The following EPSTI1 variants were observed in gnomAD, a reference collection of about 807,000 sequenced individuals.
EPSTI1 encodes epithelial-stromal interaction protein 1.
In EPSTI1, 66 loss-of-function variants were observed where a neutral mutation model predicts 49.9. The observed-to-expected ratio is 1.32, with a 90% confidence interval of 1.08 to 1.62. The LOEUF (loss-of-function observed/expected upper bound fraction) is 1.62. Ranked by LOEUF, EPSTI1 falls within the 40% of genes most tolerant of loss-of-function variation. The probability of loss-of-function intolerance (pLI) is 0.00; values close to 1 mark genes in which losing one functional copy is unlikely to be tolerated. For missense variants in EPSTI1, 394 were observed against 365.5 expected (o/e 1.08, Z -0.64); for synonymous variants, 137 against 130.7 (o/e 1.05, Z -0.33).
Position 42,963,246 on chromosome 13 carries a change from C to G in EPSTI1, c.489+9G>C, listed in dbSNP as rs371791260. ...TCAGCAAATGTGAACTAATCCTCCT[C>G]CTCCTTACCTTCTCTCTCTGAATTG... On this transcript the variant is annotated intron_variant, in intron 5 of 10. Transcript: ENST00000313624. 1.8e-4 allele frequency: 286 copies of G among 1,608,592 alleles called. No homozygotes were observed. Among genetic ancestry groups the G allele is most frequent in the Middle Eastern group, 1.2e-3 (7 of 6,052 alleles).
intron 2 of EPSTI1, chr13:42,969,768 G>C (rs935725737): frequency 2.0e-5 from 3 of 152,414 alleles, no homozygotes; most frequent in Middle Eastern, 6.8e-3. Context: ...ACAGCAGGGG[G>C]CGCCAGAGAG....
chr13:42,968,541 C>A (rs7324030), intron 3 of EPSTI1, among the ~76,000 whole-genome samples: 50,123 of 151,866 alleles, frequency 0.33, 8,403 homozygotes, highest in South Asian at 0.52. Flanking sequence ...CCGGCAAAGG[C>A]GGCCCAGACA....
intron 1 of EPSTI1, 149 bp downstream of exon 1, chr13:42,991,829 A>T: frequency 1.2e-6 from 1 of 860,622 alleles, no homozygotes; most frequent in Non-Finnish European, 1.8e-6. Context: ...CGGCATGGAT[A>T]CTTTCATTTA....
chr13:42,976,037 G>A (rs2039875535), intron 1 of EPSTI1, among the ~76,000 whole-genome samples: 1 of 152,220 alleles, frequency 6.6e-6, no homozygotes, highest in South Asian at 2.1e-4. Flanking sequence ...AGAGATGTCA[G>A]GTCTGGGATT....
At chr13:42,920,771 T>A (rs1340780856) in intron 7 of EPSTI1, among the ~76,000 whole-genome samples, 1 of 152,168 alleles carries the variant, frequency 6.6e-6, no homozygotes, top group Non-Finnish European at 1.5e-5. Flanking sequence ...AAGTCCTGCA[T>A]ACTGACCAGT....
intron 6 of EPSTI1, among the ~76,000 whole-genome samples, chr13:42,946,175 C>A (rs368853208): frequency 6.6e-6 from 1 of 152,290 alleles, no homozygotes; most frequent in Admixed American, 6.5e-5. Context: ...TGCCTGGATT[C>A]TCAGCTCTAG....
In EPSTI1 at chr13:42,922,320, A is replaced by T. The variant is rs4268660; in HGVS notation, c.657+4016T>A. 3.3e-5 allele frequency among the ~76,000 whole-genome samples: 5 copies of T among 152,186 alleles called. No homozygotes were observed. Among genetic ancestry groups the T allele is most frequent in the African/African-American group, 1.2e-4 (5 of 41,418 alleles). On this transcript the variant is annotated intron_variant, in intron 7 of 10. Coordinates refer to ENST00000313624, the MANE Select transcript of EPSTI1 (RefSeq NM_033255.5). The surrounding 1 kb of genome is among the most constrained non-coding windows in gnomAD (Gnocchi z 4.8). ...GACAAAAGGGACTTTGCAGAAATTA[A>T]GGATCTGGAAGTGGAGAGATTAGCC...
At chr13:42,900,232 A>G in intron 9 of EPSTI1, 78 bp downstream of exon 9, 1 of 1,249,316 alleles carries the variant, frequency 8.0e-7, no homozygotes, top group Non-Finnish European at 1.2e-6. Context: ...TGTTATCGTA[A>G]TGCTTTCCTA....
chr13:42,987,872 A>C (rs2153436950), intron 1 of EPSTI1, among the ~76,000 whole-genome samples: 1 of 152,280 alleles, frequency 6.6e-6, no homozygotes, highest in South Asian at 2.1e-4. Flanking sequence ...TAGTATACAT[A>C]GTGTGCATTT....
intron 6 of EPSTI1, among the ~76,000 whole-genome samples, chr13:42,938,261 A>C (rs1026187449): frequency 6.6e-5 from 10 of 152,092 alleles, no homozygotes; most frequent in African/African-American, 2.4e-4. Flanking sequence ...TGTTGTTTTC[A>C]TGGGTGATTA....
chr13:42,939,654 C>A (rs575807313), intron 6 of EPSTI1, among the ~76,000 whole-genome samples: 24 of 152,140 alleles, frequency 1.6e-4, no homozygotes, highest in Admixed American at 3.9e-4. Flanking sequence ...AAAACAATTA[C>A]AATAGTAACA....
chr13:42,980,486 G>C (rs1269790107), intron 1 of EPSTI1, among the ~76,000 whole-genome samples: 1 of 152,182 alleles, frequency 6.6e-6, no homozygotes, highest in South Asian at 2.1e-4. Flanking sequence ...ATCTTACATG[G>C]TGGCAGGCAA....
At chr13:42,923,122 C>T (rs758703421) in intron 7 of EPSTI1, among the ~76,000 whole-genome samples, 4 of 152,054 alleles carry the variant, frequency 2.6e-5, no homozygotes, top group African/African-American at 7.2e-5. Context: ...AAAGGAGAGA[C>T]GGAGGGACAG....
rs972055931 is a variant in EPSTI1, at chr13:42,906,837, GTTT to G, written c.742-6457_742-6455del. 1.4e-4 allele frequency among the ~76,000 whole-genome samples: 21 copies of G among 151,660 alleles called. No individual in the cohort carries two copies. The East Asian group carries it at 2.5e-3, about 18-fold the overall frequency. The stretch of plus-strand genomic sequence containing the variant: ...TAATGTACACTCTCCCCTTACTATT[GTTT>G]TTAATTTTTAATTTTTTAATTGACA... On this transcript the variant is annotated intron_variant, in intron 8 of 10. Transcript: ENST00000313624.
At chr13:42,934,630 G>GT (rs869213219) in intron 6 of EPSTI1, 10 of 10,408 alleles carry the variant, frequency 9.6e-4, no homozygotes, top group Non-Finnish European at 9.2e-4. Flanking sequence ...GGTTGTGGTT[G>GT]GGGGGACGTT....
At position 42,922,823 on chromosome 13, in the gene EPSTI1, C is replaced by T. The variant is rs1160436414; in HGVS notation, c.657+3513G>A. On this transcript the variant is annotated intron_variant, in intron 7 of 10. Transcript: ENST00000313624. This position sits in a 1 kb window ranked among gnomAD's most constrained non-coding sequence, Gnocchi z 4.8. ...GTGTGAGAGAGGAGAGCTGGAGAGG[C>T]ATGAGCTATAGAGCTTGGCCCCTCA... Among the ~76,000 whole-genome samples the T allele has an allele frequency of 2.0e-5, 3 of 152,216 alleles. No homozygotes were observed. Among genetic ancestry groups the T allele is most frequent in the East Asian group, 1.9e-4 (1 of 5,192 alleles).
rs1170059114 is a variant in EPSTI1, at chr13:42,964,055, T to A, written c.405+11A>T. 2.5e-6 allele frequency: 4 copies of A among 1,610,494 alleles called. No homozygotes were observed. The highest frequency in any genetic ancestry group is 3.4e-6 in the Non-Finnish European group (4 of 1,178,198). ...CTTACCAAAATTCAACTAAAAGAGATGAATTCTGACCTTTTGCTTGTATTT... is the reference window on the plus strand; with the variant it reads ...CTTACCAAAATTCAACTAAAAGAGAAGAATTCTGACCTTTTGCTTGTATTT... On this transcript the variant is annotated intron_variant, in intron 4 of 10. Transcript: ENST00000313624.
intron 7 of EPSTI1, among the ~76,000 whole-genome samples, chr13:42,921,951 G>A (rs1354737497): frequency 1.3e-5 from 2 of 152,176 alleles, no homozygotes; most frequent in African/African-American, 2.4e-5. Flanking sequence ...TTGTAGAACA[G>A]TCACAAAAGC....
intron 7 of EPSTI1, among the ~76,000 whole-genome samples, chr13:42,925,584 A>G (rs1273842776): frequency 6.6e-6 from 1 of 152,072 alleles, no homozygotes. Context: ...CAGAGGTAAC[A>G]CCATTGGGAA....
Sources: allele counts gnomAD v4.1 joint callset (sites outside exome capture counted in the v4.1 genomes callset), GRCh38; gene constraint gnomAD v4.1.1; non-coding constraint Gnocchi (gnomAD v3.1); transcripts MANE v1.5; gene names NCBI Gene and HGNC (gene_info 2026-07-23, HGNC 2026-07-21).